Variants in RP1 observed in about 807,000 individuals in gnomAD.
RP1 encodes the protein RP1 axonemal microtubule associated.
In RP1, 16 loss-of-function variants were observed where a neutral mutation model predicts 14.8. The observed-to-expected ratio is 1.08, with a 90% CI of 0.73 to 1.65. The LOEUF is 1.65. Among genes scored for constraint, RP1 ranks in the 40% most tolerant of loss-of-function variants. The probability of loss-of-function intolerance (pLI) is 0.00; values close to 1 mark genes in which losing one functional copy is unlikely to be tolerated. For missense variants in RP1, 2,631 were observed against 2,535.0 expected (o/e 1.04, Z -0.81); for synonymous variants, 876 against 883.6 (o/e 0.99, Z 0.15).
At chr8:54,869,519 A>C (rs567326487) in intron 28 of RP1, among the ~76,000 whole-genome samples, 8 of 152,354 alleles carry the variant, frequency 5.3e-5, no homozygotes, top group African/African-American at 1.4e-4. Context: ...TGACAGGAGA[A>C]AATAACAGCT....
intron 25 of RP1, among the ~76,000 whole-genome samples, chr8:54,851,454 G>A (rs1812059855): frequency 6.6e-6 from 1 of 152,200 alleles, no homozygotes; most frequent in South Asian, 2.1e-4. Flanking sequence ...ATGTGAAGAT[G>A]TCAAATCATG....
chr8:54,730,537 A>G (rs904248070), intron 17 of RP1, among the ~76,000 whole-genome samples: 1 of 152,072 alleles, frequency 6.6e-6, no homozygotes, highest in Non-Finnish European at 1.5e-5. Context: ...TCAGCTTGGA[A>G]TACATGTTTT....
chr8:54,674,058 C>T, intron 8 of RP1: 1 of 657,000 alleles, frequency 1.5e-6, no homozygotes. Context: ...TATATGAAAT[C>T]AAAATATTGT....
intron 2 of RP1, among the ~76,000 whole-genome samples, chr8:54,621,785 C>T (rs1330023292): frequency 6.6e-6 from 1 of 152,136 alleles, no homozygotes; most frequent in Admixed American, 6.5e-5. Context: ...GCTACCTACC[C>T]CTTTCTCTCT....
chr8:54,744,000 A>G (rs1436098107), intron 19 of RP1, among the ~76,000 whole-genome samples: 1 of 152,194 alleles, frequency 6.6e-6, no homozygotes, highest in Non-Finnish European at 1.5e-5. Flanking sequence ...GAAAGTCACA[A>G]TGCAAATAAA....
chr8:54,847,094 T>A (rs1811940500), intron 25 of RP1, among the ~76,000 whole-genome samples: 1 of 152,030 alleles, frequency 6.6e-6, no homozygotes, highest in African/African-American at 2.4e-5. Context: ...CAGCATCTGC[T>A]GGTGCATCTC....
intron 26 of RP1, among the ~76,000 whole-genome samples, chr8:54,854,626 A>C (rs1812144981): frequency 6.6e-6 from 1 of 152,178 alleles, no homozygotes. Context: ...GCACTTTGGG[A>C]GGCCGAGGTG....
Position 54,621,039 on chromosome 8 carries a change from C to T in RP1, c.73C>T (p.Arg25Cys), listed in dbSNP as rs778021701. The change falls in exon 2 of 4, where the codon CGC becomes TGC. Residue 25 changes from arginine to cysteine, a missense_variant. Arg to Cys is a radical substitution (Grantham distance 180). Coordinates refer to ENST00000220676, the MANE Select transcript of RP1 (RefSeq NM_006269.2). ...TSSEGQVPPP[R>C]HLSLTHPVVA... ...TTCTGAAGGTCAAGTTCCACCCCCTCGCCATTTGAGCCTCACTCATCCTGT... is the reference window on the plus strand; with the variant it reads ...TTCTGAAGGTCAAGTTCCACCCCCTTGCCATTTGAGCCTCACTCATCCTGT... 7.4e-6 allele frequency: 12 copies of T among 1,614,018 alleles called. No individual in the cohort carries two copies. Among genetic ancestry groups the T allele is most frequent in the Admixed American group, 6.7e-5 (4 of 60,002 alleles).
chr8:54,737,387 T>A (rs1463095193), intron 18 of RP1, among the ~76,000 whole-genome samples: 3 of 152,206 alleles, frequency 2.0e-5, no homozygotes, highest in African/African-American at 7.2e-5. Flanking sequence ...TGTTCAGATA[T>A]CCCTTTATTG....
intron 14 of RP1, chr8:54,701,760 C>A: frequency 9.1e-7 from 1 of 1,100,208 alleles, no homozygotes; most frequent in East Asian, 2.6e-5. Flanking sequence ...ATGCAGTAAT[C>A]GAATCACTTC....
upstream of RP1, among the ~76,000 whole-genome samples, chr8:54,615,564 A>T (rs1805695933): frequency 6.6e-6 from 1 of 152,194 alleles, no homozygotes; most frequent in Non-Finnish European, 1.5e-5. Context: ...GAAGCATAAA[A>T]TCATAGCATT....
At chr8:54,623,512 C>T (rs187531144) in intron 3 of RP1, among the ~76,000 whole-genome samples, 260 of 151,618 alleles carry the variant, frequency 1.7e-3, no homozygotes, top group Non-Finnish European at 2.9e-3. Context: ...ACTATGTTAC[C>T]CAGGCTGTTA....
At chr8:54,706,359 G>A (rs1007169798) in intron 14 of RP1, 5 of 1,353,708 alleles carry the variant, frequency 3.7e-6, no homozygotes, top group Middle Eastern at 2.5e-4. Flanking sequence ...GCTTCAGTAA[G>A]AGAATTGCCT....
At chr8:54,835,969 G>C (rs1811646563) in intron 24 of RP1, among the ~76,000 whole-genome samples, 1 of 152,116 alleles carries the variant, frequency 6.6e-6, no homozygotes, top group Non-Finnish European at 1.5e-5. Flanking sequence ...TAATCACATT[G>C]TTCTAGAAAT....
intron 24 of RP1, among the ~76,000 whole-genome samples, chr8:54,811,446 A>G (rs1810991851): frequency 6.6e-6 from 1 of 152,222 alleles, no homozygotes; most frequent in Non-Finnish European, 1.5e-5. Flanking sequence ...AACTATTTTA[A>G]GTCAACATTT....
At chr8:54,598,518 G>T (rs1449834902) in intron 1 of RP1, among the ~76,000 whole-genome samples, 1 of 152,110 alleles carries the variant, frequency 6.6e-6, no homozygotes, top group Admixed American at 6.5e-5. Flanking sequence ...AAATTCAGAT[G>T]GAAAGTTTAT....
intron 27 of RP1, among the ~76,000 whole-genome samples, chr8:54,857,362 AT>A (rs1388626601): frequency 1.4e-5 from 2 of 147,854 alleles, no homozygotes; most frequent in Non-Finnish European, 3.0e-5. Flanking sequence ...ATAAATTTAC[AT>A]TAAATATATT....
At chr8:54,866,578 T>C (rs776304248) in intron 28 of RP1, among the ~76,000 whole-genome samples, 10 of 152,142 alleles carry the variant, frequency 6.6e-5, no homozygotes, top group African/African-American at 2.4e-4. Context: ...GCACTAAACA[T>C]AGAAATTATG....
rs1468316966 is a variant in RP1, at chr8:54,627,734, T to C, written c.3852T>C (p.Asp1284=). The C allele has an allele frequency of 1.2e-6, 2 of 1,614,060 alleles. No individual in the cohort carries two copies. Among genetic ancestry groups the C allele is most frequent in the Non-Finnish European group, 1.7e-6 (2 of 1,179,982 alleles). The change falls in exon 4 of 4, where the codon GAT becomes GAC. Residue 1284 remains aspartate (D), a synonymous_variant. Coordinates refer to ENST00000220676, the MANE Select transcript of RP1 (RefSeq NM_006269.2). ...CNPSDTFFPS[D]GYGVDQTSMN... ...CCAGTGACACTTTTTTTCCTAGTGATGGTTATGGTGTGGATCAGACTTCTA... is the reference window on the plus strand; with the variant it reads ...CCAGTGACACTTTTTTTCCTAGTGACGGTTATGGTGTGGATCAGACTTCTA...
Sources: gnomAD v4.1 joint callset for allele counts (sites outside exome capture counted in the v4.1 genomes callset) on GRCh38, gnomAD v4.1.1 for gene constraint, MANE v1.5 for transcripts, NCBI Gene and HGNC (gene_info 2026-07-23, HGNC 2026-07-21) for gene names.